The following ZNF148 variants were observed in gnomAD, a reference collection of about 807,000 sequenced individuals.
ZNF148 encodes the protein zinc finger protein 148.
A neutral mutation model predicts 67.7 loss-of-function variants in ZNF148; 7 were observed. The observed-to-expected ratio is 0.10, with a 90% CI of 0.06 to 0.19. The LOEUF (loss-of-function observed/expected upper bound fraction) is 0.19, where lower values mean the gene tolerates loss of function less well. Ranked by LOEUF, ZNF148 falls within the 10% of genes least tolerant of loss-of-function variation. The pLI, the probability that ZNF148 is intolerant of heterozygous loss-of-function variation, is 1.00. For missense variants in ZNF148, 583 were observed against 947.1 expected (o/e 0.62, Z 5.05); for synonymous variants, 333 against 330.7 (o/e 1.01, Z -0.08).
At chr3:125,338,821 C>T (rs1941603420) in intron 1 of ZNF148, 2 of 152,156 alleles carry the variant, frequency 1.3e-5, no homozygotes, top group Non-Finnish European at 2.9e-5. Context: ...ATATTTTTCA[C>T]CTTATTCAAT....
rs1289138148 is a variant in ZNF148, at chr3:125,252,080, T to C, written c.668-17751A>G. 6.6e-5 allele frequency among the ~76,000 whole-genome samples: 10 copies of C among 152,212 alleles called. No homozygotes were observed. In the East Asian group the frequency reaches 1.9e-3, roughly 29 times the overall value. On this transcript the variant is annotated intron_variant, in intron 7 of 8. Coordinates refer to ENST00000360647, the MANE Select transcript of ZNF148 (RefSeq NM_021964.3). ...CATACATCTAACCATTTAGATATCC[T>C]TTTTGTGTTTCTGTGAAGTGTCTAT... is the stretch of plus-strand genomic sequence containing the variant.
chr3:125,239,953 C>T (rs1437561599), intron 7 of ZNF148, among the ~76,000 whole-genome samples: 2 of 152,132 alleles, frequency 1.3e-5, no homozygotes, highest in Admixed American at 6.5e-5. Flanking sequence ...TGACTACTAA[C>T]AGGTATAGGT....
At chr3:125,245,788 C>A (rs1044379590) in intron 7 of ZNF148, among the ~76,000 whole-genome samples, 9 of 152,174 alleles carry the variant, frequency 5.9e-5, no homozygotes, top group African/African-American at 1.9e-4. Context: ...GGAGTAGTTT[C>A]TCTGGGATCT....
intron 1 of ZNF148, chr3:125,344,618 C>CAAG: frequency 5.4e-6 from 4 of 734,598 alleles, no homozygotes. Context: ...ATAGATGTAC[C>CAAG]ATCTTTTAGC....
rs201694849 is a variant in ZNF148, at chr3:125,350,657, C to T, written c.-233-19419G>A. Reference sequence around the variant, plus strand: ...GCATGTAAAACAGATTCCTCACCTGCGCCGTTAAAAATAGGCTTCACGCTC... The same window carrying T: ...GCATGTAAAACAGATTCCTCACCTGTGCCGTTAAAAATAGGCTTCACGCTC... On this transcript the variant is annotated intron_variant, in intron 1 of 8. Transcript: ENST00000360647. Among the ~76,000 whole-genome samples, 7 of 152,158 alleles carry T rather than the reference C, an allele frequency of 4.6e-5. No individual in the cohort carries two copies. The East Asian group carries it at 5.8e-4, about 13-fold the overall frequency.
At chr3:125,240,717 T>A (rs931986852) in intron 7 of ZNF148, among the ~76,000 whole-genome samples, 1 of 151,586 alleles carries the variant, frequency 6.6e-6, no homozygotes, top group African/African-American at 2.4e-5. Context: ...TGAGCTGTGA[T>A]TGCGCCACTG....
intron 7 of ZNF148, among the ~76,000 whole-genome samples, chr3:125,237,408 C>T (rs1936141492): frequency 6.6e-6 from 1 of 152,012 alleles, no homozygotes; most frequent in Non-Finnish European, 1.5e-5. Flanking sequence ...ATGGGGAAAC[C>T]TGTTTCTACT....
intron 1 of ZNF148, among the ~76,000 whole-genome samples, chr3:125,340,946 C>T (rs1045822516): frequency 1.4e-5 from 2 of 144,748 alleles, no homozygotes; most frequent in Non-Finnish European, 3.0e-5. Flanking sequence ...CGAGATCCCG[C>T]CACTGCACTC....
intron 8 of ZNF148, 63 bp downstream of exon 8, chr3:125,234,143 TTCTAA>T: frequency 7.9e-7 from 1 of 1,261,292 alleles, no homozygotes; most frequent in Non-Finnish European, 1.1e-6. Flanking sequence ...TTGTAATATT[TTCTAA>T]TCTAATTTAT....
chr3:125,310,480 A>C (rs1272347380), intron 4 of ZNF148, among the ~76,000 whole-genome samples: 1 of 152,206 alleles, frequency 6.6e-6, no homozygotes, highest in Non-Finnish European at 1.5e-5. Flanking sequence ...CAGTGCTTAG[A>C]GGAAAATTTA....
In ZNF148 at chr3:125,313,563, C is replaced by T; in HGVS notation, c.78G>A (p.Met26Ile). ...GIDEMQSSRT[M>I]VVMGGVSGQS... ...GGCCAGACACTCCACCCATTACAAC[C>T]ATTGTCCTGGAAGACTGCATTTCGT... is the stretch of plus-strand genomic sequence containing the variant. Residue 26 changes from methionine to isoleucine, a missense_variant, in exon 4 of 9, where the codon ATG (methionine) becomes ATA (isoleucine). Coordinates refer to ENST00000360647, the MANE Select transcript of ZNF148 (RefSeq NM_021964.3). 6.2e-7 allele frequency: 1 copy of T among 1,614,206 alleles called. No homozygotes were observed. The highest frequency in any genetic ancestry group is 1.1e-5 in the South Asian group (1 of 91,086).
intron 1 of ZNF148, chr3:125,344,462 T>C: frequency 9.6e-7 from 1 of 1,041,100 alleles, no homozygotes; most frequent in Non-Finnish European, 1.5e-6. Context: ...AGAAGTCAAA[T>C]AAAAATGGGT....
chr3:125,342,428 A>G (rs952586391), intron 1 of ZNF148, among the ~76,000 whole-genome samples: 2 of 152,080 alleles, frequency 1.3e-5, no homozygotes, highest in African/African-American at 4.8e-5. Flanking sequence ...TTCAAATGAC[A>G]CCAGATTTCT....
chr3:125,280,899 A>G (rs951715243), intron 5 of ZNF148, among the ~76,000 whole-genome samples: 10 of 152,172 alleles, frequency 6.6e-5, no homozygotes, highest in Non-Finnish European at 1.5e-5. Flanking sequence ...AAACTGTCCA[A>G]CAAAGGTAGA....
At chr3:125,320,937 G>A (rs140467861) in intron 3 of ZNF148, among the ~76,000 whole-genome samples, 4 of 152,086 alleles carry the variant, frequency 2.6e-5, no homozygotes, top group East Asian at 1.9e-4. Flanking sequence ...AATATCAACC[G>A]GCCTCCAGAT....
chr3:125,290,259 C>G (rs1295254415), intron 4 of ZNF148, among the ~76,000 whole-genome samples: 1 of 152,144 alleles, frequency 6.6e-6, no homozygotes, highest in Non-Finnish European at 1.5e-5. Context: ...AAGTAGAGAC[C>G]TATAGTGTCA....
At chr3:125,371,377 G>GAAA (rs1559789379) in intron 1 of ZNF148, among the ~76,000 whole-genome samples, 1 of 90,358 alleles carries the variant, frequency 1.1e-5, no homozygotes, top group Non-Finnish European at 2.1e-5. Flanking sequence ...AAAAAAGGGG[G>GAAA]GGGGGGGGGC....
At chr3:125,330,465 C>CAAAAAAAAAAAAAAAAA (rs200643048) in intron 2 of ZNF148, among the ~76,000 whole-genome samples, 1 of 118,514 alleles carries the variant, frequency 8.4e-6, no homozygotes, top group African/African-American at 4.1e-5. Context: ...AACCCTATCT[C>CAAAAAAAAAAAAAAAAA]AAAAAAAAAA....
chr3:125,360,110 A>G (rs939597289), intron 1 of ZNF148, among the ~76,000 whole-genome samples: 2 of 152,090 alleles, frequency 1.3e-5, no homozygotes, highest in Non-Finnish European at 2.9e-5. Context: ...TGTTCTCTCC[A>G]TATTTTCTCT....
Sources: allele counts gnomAD v4.1 joint callset (sites outside exome capture counted in the v4.1 genomes callset), GRCh38; gene constraint gnomAD v4.1.1; transcripts MANE v1.5; gene names NCBI Gene and HGNC (gene_info 2026-07-23, HGNC 2026-07-21).